The following SORBS2 variants were observed in gnomAD, a reference collection of about 807,000 sequenced individuals.
SORBS2 encodes the protein sorbin and SH3 domain-containing protein 2.
A neutral mutation model predicts 97.7 loss-of-function variants in SORBS2; 46 were observed. The observed-to-expected ratio is 0.47, with a 90% CI of 0.37 to 0.60. The LOEUF (loss-of-function observed/expected upper bound fraction) is 0.60. SORBS2 is among the 20% of genes least tolerant of loss of function. SORBS2 has a pLI of 0.00. For missense variants in SORBS2, 1,316 were observed against 1,282.3 expected (o/e 1.03, Z -0.40); for synonymous variants, 476 against 473.4 (o/e 1.01, Z -0.07).
At chr4:185,915,729 T>C (rs1002593628) in intron 1 of SORBS2, among the ~76,000 whole-genome samples, 2 of 151,884 alleles carry the variant, frequency 1.3e-5, no homozygotes, top group Non-Finnish European at 2.9e-5. Flanking sequence ...TTAAGTTTAA[T>C]GAAGGAGAGA....
intron 1 of SORBS2, among the ~76,000 whole-genome samples, chr4:185,806,550 C>CG (rs2099156612): frequency 6.8e-6 from 1 of 146,872 alleles, no homozygotes; most frequent in South Asian, 2.2e-4. Context: ...CTCCTCCTCC[C>CG]GGGTTCACGC....
At chr4:185,808,273 ACTTT>A (rs767447754) in intron 1 of SORBS2, among the ~76,000 whole-genome samples, 44 of 152,158 alleles carry the variant, frequency 2.9e-4, no homozygotes, top group Non-Finnish European at 5.6e-4. Flanking sequence ...TAAATATTTT[ACTTT>A]CTAATCCCAA....
In SORBS2 at chr4:185,623,595, T is replaced by G. The variant is rs141907336; in HGVS notation, c.1534A>C (p.Ser512Arg). The change falls in exon 7 of 15, where the codon AGT (serine) becomes CGT (arginine). Residue 512 changes from serine (S) to arginine (R), a missense_variant. Ser to Arg is a moderately radical substitution (Grantham distance 110). Coordinates refer to ENST00000418609, the Ensembl canonical transcript of SORBS2. The surrounding 1 kb of genome is among the most constrained non-coding windows in gnomAD (Gnocchi z 6.4). Reference sequence around the variant, plus strand: ...GACCCCTCTAGGTGAATGTAGTCACTGTGGTCGGACACAACCCCGTCCTGG... The same window carrying G: ...GACCCCTCTAGGTGAATGTAGTCACGGTGGTCGGACACAACCCCGTCCTGG... The G allele has an allele frequency of 1.2e-6, 2 of 1,613,970 alleles. No homozygotes were observed.
At chr4:185,716,822 C>T (rs1439306439) in intron 2 of SORBS2, among the ~76,000 whole-genome samples, 3 of 152,036 alleles carry the variant, frequency 2.0e-5, no homozygotes, top group Admixed American at 6.5e-5. Flanking sequence ...CAGAGGCCCA[C>T]GGGGAGGAAA....
chr4:185,906,274 C>T (rs1272738552), intron 1 of SORBS2, among the ~76,000 whole-genome samples: 4 of 151,376 alleles, frequency 2.6e-5, no homozygotes, highest in African/African-American at 9.7e-5. Flanking sequence ...CTCAGGTGAT[C>T]TGCCTGCCTC....
At chr4:185,758,397 A>G (rs532133440) in intron 2 of SORBS2, among the ~76,000 whole-genome samples, 1 of 151,676 alleles carries the variant, frequency 6.6e-6, no homozygotes, top group East Asian at 1.9e-4. Context: ...CCTTCCTCCT[A>G]TCTCCCTGGG....
At chr4:185,646,616 A>G in intron 4 of SORBS2, 52 bp downstream of exon 13, 1 of 1,085,718 alleles carries the variant, frequency 9.2e-7, no homozygotes, top group Non-Finnish European at 1.4e-6. Flanking sequence ...TTTATTGGGG[A>G]GCCCTGGGAG....
intron 12 of SORBS2, among the ~76,000 whole-genome samples, chr4:185,598,086 T>C (rs11726080): frequency 0.089 from 13,558 of 152,218 alleles, 1,195 homozygotes; most frequent in African/African-American, 0.23. Context: ...TATAGAACAA[T>C]ATACACTTGT....
chr4:185,916,563 G>A (rs1380486474), intron 1 of SORBS2, among the ~76,000 whole-genome samples: 1 of 152,202 alleles, frequency 6.6e-6, no homozygotes, highest in South Asian at 2.1e-4. Context: ...AAGAGGACTG[G>A]TTTGTGAATA....
intron 1 of SORBS2, among the ~76,000 whole-genome samples, chr4:185,889,039 C>T (rs1007356921): frequency 1.3e-5 from 2 of 152,210 alleles, no homozygotes; most frequent in African/African-American, 4.8e-5. Context: ...GCTGAGTGAG[C>T]TTCCTAAGCT....
At chr4:185,660,158 T>C (rs901537510), upstream of SORBS2, among the ~76,000 whole-genome samples, 39 of 152,334 alleles carry the variant, frequency 2.6e-4, no homozygotes, top group African/African-American at 9.1e-4. Context: ...AATCTACTTA[T>C]CAATATATTC....
Position 185,646,353 on chromosome 4 carries a change from A to ATATATATGTGTGTGCATACACATGTG in SORBS2, c.396+289_396+314dup, listed in dbSNP as rs1246337435. On this transcript the variant is annotated intron_variant, in intron 4 of 14. Coordinates refer to ENST00000418609, the Ensembl canonical transcript of SORBS2. ...ATGCAAATGAATCTTGCATATAAAT[A>ATATATATGTGTGTGCATACACATGTG]TATATATGTGTGTGCATACACATGT... 130 of 189,216 alleles carry ATATATATGTGTGTGCATACACATGTG rather than the reference A, an allele frequency of 6.9e-4. 2 individuals carry two copies. The highest frequency in any genetic ancestry group is 2.0e-3 in the Middle Eastern group (1 of 510). 11.7% of individuals were successfully genotyped at this position (189,216 alleles called of 1,614,324 possible).
At chr4:185,790,439 G>C (rs560447681) in intron 1 of SORBS2, among the ~76,000 whole-genome samples, 1 of 152,270 alleles carries the variant, frequency 6.6e-6, no homozygotes, top group South Asian at 2.1e-4. Flanking sequence ...TACAATACGT[G>C]TATCTTTGCC....
In SORBS2 at chr4:185,838,415, C is replaced by T. The variant is rs189509083; in HGVS notation, c.-337-63049G>A. On this transcript the variant is annotated intron_variant, in intron 1 of 20. Transcript: ENST00000284776. The stretch of plus-strand genomic sequence containing the variant: ...GAAATTCTCCACCCTCCTCAACTCA[C>T]GGATGCGCTGGTTGCCCCAAGGGCT... Among the ~76,000 whole-genome samples, 321 of 152,346 alleles carry T rather than the reference C, an allele frequency of 2.1e-3. 2 individuals are homozygous for T. Among genetic ancestry groups the T allele is most frequent in the African/African-American group, 7.2e-3 (300 of 41,580 alleles).
At chr4:185,621,317 G>T (rs11946193) in intron 7 of SORBS2, among the ~76,000 whole-genome samples, 63,125 of 151,844 alleles carry the variant, frequency 0.42, 14,958 homozygotes, top group African/African-American at 0.66. Flanking sequence ...TTCTAACCCA[G>T]GGAATATAAG....
chr4:185,941,737 G>T (rs1217926078), intron 1 of SORBS2, among the ~76,000 whole-genome samples: 1 of 152,100 alleles, frequency 6.6e-6, no homozygotes, highest in East Asian at 1.9e-4. Flanking sequence ...ACACATTTCA[G>T]ACCCATAGAT....
rs1363329568 is a variant in SORBS2, at chr4:185,943,896, C to T, written c.-338+12300G>A. The stretch of plus-strand genomic sequence containing the variant: ...TCAAATGCTTCTTCAAAACACATGC[C>T]CGTGAGGACCTAGCAGTACAGCAAC... On this transcript the variant is annotated intron_variant, in intron 1 of 20. Transcript: ENST00000284776. Among the ~76,000 whole-genome samples the T allele has an allele frequency of 4.6e-5, 7 of 152,250 alleles. No individual in the cohort carries two copies. In the East Asian group the frequency reaches 1.4e-3, roughly 29 times the overall value.
intron 1 of SORBS2, among the ~76,000 whole-genome samples, chr4:185,863,901 G>T (rs976762426): frequency 1.3e-5 from 2 of 151,918 alleles, no homozygotes; most frequent in Non-Finnish European, 2.9e-5. Context: ...AACAATATGG[G>T]GTTCTTTAAT....
At chr4:185,589,152 A>T (rs987302702) in intron 14 of SORBS2, 7 of 151,796 alleles carry the variant, frequency 4.6e-5, no homozygotes, top group African/African-American at 1.5e-4. Context: ...CTTTTTTTTT[A>T]GGATGGTAAA....
Sources: gnomAD v4.1 joint callset for allele counts (sites outside exome capture counted in the v4.1 genomes callset) on GRCh38, gnomAD v4.1.1 for gene constraint, Gnocchi (gnomAD v3.1) non-coding constraint, MANE v1.5 for transcripts, NCBI Gene and HGNC (gene_info 2026-07-23, HGNC 2026-07-21) for gene names.